The following KIF26B variants were observed in gnomAD, a reference collection of about 807,000 sequenced individuals.
The protein encoded by KIF26B is kinesin family member 26B.
In KIF26B, 63 loss-of-function variants were observed where a neutral mutation model predicts 151.2. The ratio of observed to expected loss-of-function variants is 0.42; its 90% CI spans 0.34 to 0.51. The LOEUF (loss-of-function observed/expected upper bound fraction) is 0.51, where lower values mean the gene tolerates loss of function less well. KIF26B is among the 20% of genes least tolerant of loss of function. The pLI is 0.07. For synonymous variants in KIF26B, 1,357 were observed against 1,262.1 expected (o/e 1.08, Z -1.59); for missense variants, 2,813 against 2,913.6 (o/e 0.97, Z 0.79).
intron 2 of KIF26B, among the ~76,000 whole-genome samples, chr1:245,206,035 G>A (rs946153241): frequency 6.6e-6 from 1 of 152,232 alleles, no homozygotes; most frequent in Non-Finnish European, 1.5e-5. Flanking sequence ...ACTGAGCCCA[G>A]CCCCCAAGGA....
intron 2 of KIF26B, among the ~76,000 whole-genome samples, chr1:245,349,939 CA>C (rs1672530810): frequency 6.6e-6 from 1 of 152,178 alleles, no homozygotes; most frequent in South Asian, 2.1e-4. Flanking sequence ...AACCCATTTA[CA>C]AGATCATACT....
intron 10 of KIF26B, among the ~76,000 whole-genome samples, chr1:245,653,323 G>C (rs958188616): frequency 6.6e-6 from 1 of 152,130 alleles, no homozygotes; most frequent in African/African-American, 2.4e-5. Context: ...GGACTTGCTG[G>C]ACCACAGGGA....
At chr1:245,186,668 T>C (rs1312915077) in intron 2 of KIF26B, among the ~76,000 whole-genome samples, 1 of 152,162 alleles carries the variant, frequency 6.6e-6, no homozygotes, top group Non-Finnish European at 1.5e-5. Context: ...AACTTGGCCT[T>C]CTGTAAAGTG....
Position 245,254,818 on chromosome 1 carries a change from C to T in KIF26B, c.465+98135C>T, listed in dbSNP as rs115926917. On this transcript the variant is annotated intron_variant, in intron 2 of 14. Transcript: ENST00000407071. ...CAGCTATTCTTGTGTGGGCTTTTGCCATGCCTGTTTCAGGTTTGGAACTGT... is the reference window on the plus strand; with the variant it reads ...CAGCTATTCTTGTGTGGGCTTTTGCTATGCCTGTTTCAGGTTTGGAACTGT... Among the ~76,000 whole-genome samples the T allele has an allele frequency of 3.1e-3, 476 of 152,290 alleles. 3 individuals carry two copies. The highest frequency in any genetic ancestry group is 0.011 in the African/African-American group (445 of 41,570).
chr1:245,365,158 A>T (rs563758188), intron 2 of KIF26B, among the ~76,000 whole-genome samples: 2 of 152,308 alleles, frequency 1.3e-5, no homozygotes, highest in African/African-American at 4.8e-5. Context: ...AGGTCCTGCT[A>T]CACGCTCTGA....
chr1:245,194,868 G>A (rs920218184), intron 2 of KIF26B, among the ~76,000 whole-genome samples: 1 of 152,186 alleles, frequency 6.6e-6, no homozygotes, highest in South Asian at 2.1e-4. Context: ...ACTCTGTGAA[G>A]TACATGTGTA....
chr1:245,383,039 G>GTA (rs71998690), intron 3 of KIF26B, among the ~76,000 whole-genome samples: 69 of 146,222 alleles, frequency 4.7e-4, no homozygotes, highest in East Asian at 3.4e-3. Flanking sequence ...ATATGTATAT[G>GTA]TATATATATA....
rs1455938157 is a variant in KIF26B, at chr1:245,708,793, G to A, written c.*6187G>A. On this transcript the variant is annotated 3_prime_UTR_variant, in exon 15 of 15. Transcript: ENST00000407071. ...GATCTTTGTGGTTCCTTCAAGCTCT[G>A]GATCTCTAATTCCATGATTAGTAAT... 1 of 152,148 alleles carries A rather than the reference G, an allele frequency of 6.6e-6. No individual in the cohort carries two copies. Among genetic ancestry groups the A allele is most frequent in the African/African-American group, 2.4e-5 (1 of 41,422 alleles). 9.4% of individuals were successfully genotyped at this position (152,148 alleles called of 1,614,324 possible). A position where few individuals can be genotyped will look rare whatever the true frequency, so the allele number is the denominator to read the frequency against.
intron 4 of KIF26B, among the ~76,000 whole-genome samples, chr1:245,489,077 A>T (rs1343401831): frequency 6.6e-6 from 1 of 152,252 alleles, no homozygotes. Flanking sequence ...ACTGCAAGAC[A>T]TGGAACGGAT....
chr1:245,698,375 C>T lies in KIF26B; in HGVS notation c.6027+67C>T. The T allele has an allele frequency of 2.1e-6, 3 of 1,423,110 alleles. No individual in the cohort carries two copies. Among genetic ancestry groups the T allele is most frequent in the Non-Finnish European group, 2.9e-6 (3 of 1,032,448 alleles). The allele number at this position is 1,423,110 out of a possible 1,614,324, so 88.2% of individuals were successfully genotyped here. A position where few individuals can be genotyped will look rare whatever the true frequency, so the allele number is the denominator to read the frequency against. On this transcript the variant is annotated intron_variant, in intron 13 of 14. Transcript: ENST00000407071. The surrounding 1 kb of genome is among the most constrained non-coding windows in gnomAD (Gnocchi z 4.0). ...GCTCCCCACCAAGCCTGAGCAGGTG[C>T]TAGGCAGGGCCCTGGGGAAGAAAAC...
chr1:245,525,588 G>A (rs968761168), intron 4 of KIF26B, among the ~76,000 whole-genome samples: 7 of 152,186 alleles, frequency 4.6e-5, no homozygotes, highest in Non-Finnish European at 5.9e-5. Context: ...TTGTGTAAAC[G>A]TGGGAATTCA....
chr1:245,176,866 A>G (rs1329066705), intron 2 of KIF26B, among the ~76,000 whole-genome samples: 4 of 152,242 alleles, frequency 2.6e-5, no homozygotes, highest in Admixed American at 2.6e-4. Context: ...GGTAGTTTAC[A>G]GCGGGCTTAC....
Position 245,375,613 on chromosome 1 carries a change from C to A in KIF26B, c.999+8246C>A, listed in dbSNP as rs1340741287. On this transcript the variant is annotated intron_variant, in intron 3 of 14. Transcript: ENST00000407071. The surrounding 1 kb of genome is among the most constrained non-coding windows in gnomAD (Gnocchi z 4.2). ...CCAGAAGAAGCCAGCCCTGCAGGGC[C>A]ATTTTTGAGTTCTGGTCTCCAGAAC... 6.6e-6 allele frequency among the ~76,000 whole-genome samples: 1 copy of A among 152,094 alleles called. No homozygotes were observed. Among genetic ancestry groups the A allele is most frequent in the African/African-American group, 2.4e-5 (1 of 41,372 alleles).
intron 5 of KIF26B, among the ~76,000 whole-genome samples, chr1:245,591,477 C>T (rs1317137630): frequency 6.6e-6 from 1 of 152,196 alleles, no homozygotes; most frequent in East Asian, 1.9e-4. Context: ...GGAGGTTAAA[C>T]ACTCGTGCAT....
intron 2 of KIF26B, among the ~76,000 whole-genome samples, chr1:245,246,307 C>T (rs114542370): frequency 6.6e-6 from 1 of 152,184 alleles, no homozygotes; most frequent in Admixed American, 6.5e-5. Flanking sequence ...CTCTGCTCTT[C>T]GGAATCATTG....
At chr1:245,517,408 G>A (rs1660992654) in intron 4 of KIF26B, among the ~76,000 whole-genome samples, 1 of 151,570 alleles carries the variant, frequency 6.6e-6, no homozygotes, top group Non-Finnish European at 1.5e-5. Context: ...AGCTTTTGGC[G>A]ACAATGACTA....
intron 9 of KIF26B, among the ~76,000 whole-genome samples, chr1:245,640,509 A>C (rs966410811): frequency 2.6e-5 from 4 of 151,966 alleles, no homozygotes; most frequent in Non-Finnish European, 5.9e-5. Flanking sequence ...GTCCATATAC[A>C]TTCCATGTTA....
At chr1:245,569,486 T>G (rs2043043446) in intron 5 of KIF26B, among the ~76,000 whole-genome samples, 1 of 152,104 alleles carries the variant, frequency 6.6e-6, no homozygotes, top group South Asian at 2.1e-4. Flanking sequence ...GGCAGGCACC[T>G]GTAATCCCAG....
At chr1:245,582,122 G>A (rs920134528) in intron 5 of KIF26B, among the ~76,000 whole-genome samples, 7 of 152,258 alleles carry the variant, frequency 4.6e-5, no homozygotes, top group African/African-American at 7.2e-5. Flanking sequence ...AGTCCCATCC[G>A]TCAGACACAC....
Sources: gnomAD v4.1 joint callset for allele counts (sites outside exome capture counted in the v4.1 genomes callset) on GRCh38, gnomAD v4.1.1 for gene constraint, Gnocchi (gnomAD v3.1) non-coding constraint, MANE v1.5 for transcripts, NCBI Gene and HGNC (gene_info 2026-07-23, HGNC 2026-07-21) for gene names.